Variants in DIP2C observed in about 807,000 individuals in gnomAD.
DIP2C encodes the protein disco-interacting protein 2 homolog C.
In DIP2C, 33 loss-of-function variants were observed where a neutral mutation model predicts 192.4. The observed-to-expected ratio is 0.17, with a 90% CI of 0.13 to 0.23. The LOEUF is 0.23. DIP2C is among the 10% of genes least tolerant of loss of function. The pLI is 1.00. For missense variants in DIP2C, 1,537 were observed against 2,110.1 expected, an observed-to-expected ratio of 0.73 and a Z score of 5.32; for synonymous variants, 979 against 864.1, an observed-to-expected ratio of 1.13 and a Z score of -2.33.
chr10:643,317 TC>T (rs1855295830), intron 1 of DIP2C, among the ~76,000 whole-genome samples: 1 of 151,098 alleles, frequency 6.6e-6, no homozygotes, highest in African/African-American at 2.4e-5. Context: ...ATCGAGACCA[TC>T]CTGGCTAACA....
chr10:448,472 C>T (rs1394681035), intron 3 of DIP2C, among the ~76,000 whole-genome samples: 29 of 139,702 alleles, frequency 2.1e-4, no homozygotes, highest in Non-Finnish European at 2.0e-4. Flanking sequence ...TCATCCCCGT[C>T]TATACTCAGG....
chr10:458,995 A>G (rs920807709), intron 3 of DIP2C, among the ~76,000 whole-genome samples: 3 of 151,724 alleles, frequency 2.0e-5, no homozygotes, highest in African/African-American at 7.3e-5. Flanking sequence ...CTTTTTCAAA[A>G]AAAAAAAAAA....
rs1348492571 is a variant in DIP2C at position 418,196 on chromosome 10, C to T, written c.739+869G>A. Among the ~76,000 whole-genome samples the T allele has an allele frequency of 1.8e-4, 14 of 79,548 alleles. 1 individual carries two copies. The highest frequency in any genetic ancestry group is 6.1e-3 in the Middle Eastern group (1 of 164). 52.2% of individuals were successfully genotyped at this position (79,548 alleles called of 152,430 possible). ...CTGTCCACCTGCACCTGTCAGGGCG[C>T]GGACAGGCCTCCCTGTCCACCTGTT... On this transcript the variant is annotated intron_variant, in intron 6 of 36. Coordinates refer to ENST00000280886, the MANE Select transcript of DIP2C (RefSeq NM_014974.3).
chr10:664,794 T>C (rs184134698), intron 1 of DIP2C: 5 of 152,158 alleles, frequency 3.3e-5, no homozygotes, highest in Admixed American at 6.5e-5. Flanking sequence ...TACAAATATA[T>C]AGGGAATTTT....
intron 3 of DIP2C, among the ~76,000 whole-genome samples, chr10:468,010 G>C (rs999900983): frequency 6.6e-6 from 1 of 152,250 alleles, no homozygotes; most frequent in African/African-American, 2.4e-5. Context: ...TAGCTCTACT[G>C]CAAGATGAGT....
In DIP2C at chr10:423,038, G is replaced by T. The variant is rs75415082; in HGVS notation, c.395-5C>A. The T allele has an allele frequency of 2.7e-3, 4,254 of 1,596,802 alleles. 177 individuals are homozygous for T. The East Asian group carries it at 0.083, about 31-fold the overall frequency. ...CTTCTGAGCCAGAAGAGGTATCTGT[G>T]TAAGAAGAAAGGTGATTTGCTGTAT... On this transcript the variant is annotated splice_region_variant and splice_polypyrimidine_tract_variant and intron_variant, in intron 4 of 36. Transcript: ENST00000280886.
intron 1 of DIP2C, among the ~76,000 whole-genome samples, chr10:595,962 G>C (rs1052315478): frequency 2.0e-5 from 3 of 152,148 alleles, no homozygotes; most frequent in Non-Finnish European, 4.4e-5. Context: ...CCGACAAAGA[G>C]TGGACACTGC....
chr10:311,502 G>A, intron 31 of DIP2C: 1 of 1,232,490 alleles, frequency 8.1e-7, no homozygotes, highest in East Asian at 3.2e-5. Context: ...GCTGGGCAGG[G>A]AGGCACGGGT....
intron 2 of DIP2C, among the ~76,000 whole-genome samples, chr10:474,749 G>A (rs535979413): frequency 4.6e-5 from 7 of 152,116 alleles, no homozygotes; most frequent in African/African-American, 1.4e-4. Flanking sequence ...GCCTAGATAC[G>A]GACTTCTGGG....
At chr10:441,023 A>G (rs1304323658) in intron 3 of DIP2C, 27 bp from the exon 4 acceptor site, 3 of 1,603,702 alleles carry the variant, frequency 1.9e-6, no homozygotes, top group East Asian at 2.2e-5. Context: ...TCAGTCACTC[A>G]GTGCTCAGCT....
intron 32 of DIP2C, among the ~76,000 whole-genome samples, chr10:308,427 G>A (rs1278222350): frequency 6.7e-6 from 1 of 150,268 alleles, no homozygotes; most frequent in Admixed American, 6.6e-5. Context: ...TTGAGGGCCA[G>A]GCCACAGACA....
chr10:277,936 C>T (rs935021000), intron 36 of DIP2C, among the ~76,000 whole-genome samples: 10 of 152,268 alleles, frequency 6.6e-5, no homozygotes, highest in Admixed American at 4.6e-4. Flanking sequence ...CTGAACAGTG[C>T]AGTGTGCCAT....
intron 22 of DIP2C, 59 bp downstream of exon 22, chr10:362,431 T>C: frequency 1.3e-6 from 2 of 1,571,250 alleles, no homozygotes; most frequent in African/African-American, 1.4e-5. Context: ...CACCTCCCAG[T>C]GCCGTGCAGC....
At chr10:506,728 C>T (rs1343114856) in intron 1 of DIP2C, among the ~76,000 whole-genome samples, 1 of 152,230 alleles carries the variant, frequency 6.6e-6, no homozygotes, top group East Asian at 1.9e-4. Flanking sequence ...TTGCCGGCCA[C>T]AGCCTGGAGC....
At position 388,640 on chromosome 10, in the gene DIP2C, C is replaced by T. The variant is rs540942738; in HGVS notation, c.1598-831G>A. 1.5e-4 allele frequency among the ~76,000 whole-genome samples: 23 copies of T among 152,332 alleles called. No individual in the cohort carries two copies. The South Asian group carries it at 3.1e-3, about 21-fold the overall frequency. On this transcript the variant is annotated intron_variant, in intron 13 of 36. Transcript: ENST00000280886. ...GACCTTGGAGGCGCAGGGGGCAGTGCGTCCCCAGGTGTGAAAACTCCATGG... is the reference window on the plus strand; with the variant it reads ...GACCTTGGAGGCGCAGGGGGCAGTGTGTCCCCAGGTGTGAAAACTCCATGG...
chr10:615,148 GGAGA>G (rs1375638694), intron 1 of DIP2C, among the ~76,000 whole-genome samples: 1 of 152,214 alleles, frequency 6.6e-6, no homozygotes, highest in Non-Finnish European at 1.5e-5. Flanking sequence ...GACACTTCTC[GGAGA>G]GAGACACAGG....
intron 3 of DIP2C, among the ~76,000 whole-genome samples, chr10:465,445 T>C (rs540377777): frequency 6.6e-6 from 1 of 151,952 alleles, no homozygotes; most frequent in Non-Finnish European, 1.5e-5. Flanking sequence ...TGAATGGGCA[T>C]AAACTGGAAG....
intron 32 of DIP2C, among the ~76,000 whole-genome samples, chr10:301,068 A>G (rs1956022805): frequency 6.6e-6 from 1 of 152,178 alleles, no homozygotes; most frequent in African/African-American, 2.4e-5. Context: ...GCTCAGCAGC[A>G]TCCACTGGCA....
intron 1 of DIP2C, among the ~76,000 whole-genome samples, chr10:575,311 A>G (rs1212411789): frequency 2.0e-5 from 3 of 152,244 alleles, no homozygotes; most frequent in African/African-American, 7.2e-5. Context: ...TAAAAAGTAA[A>G]ATTCTCATTT....
Sources: gnomAD v4.1 joint callset for allele counts (sites outside exome capture counted in the v4.1 genomes callset) on GRCh38, gnomAD v4.1.1 for gene constraint, MANE v1.5 for transcripts, NCBI Gene and HGNC (gene_info 2026-07-23, HGNC 2026-07-21) for gene names.